A3GALT2: variants seen among roughly 807,000 people sequenced by gnomAD.
A3GALT2 encodes alpha-1,3-galactosyltransferase 2.
Under a neutral mutation model 16.6 loss-of-function variants are expected in A3GALT2, and 14 were observed. The observed-to-expected ratio is 0.84, with a 90% CI of 0.56 to 1.32. The LOEUF (loss-of-function observed/expected upper bound fraction) is 1.32, where lower values mean the gene tolerates loss of function less well. A3GALT2 is among the 40% of genes most tolerant of loss of function. A3GALT2 has a pLI of 0.00. For missense variants in A3GALT2, 600 were observed against 490.9 expected (o/e 1.22, Z -2.10); for synonymous variants, 253 against 218.0 (o/e 1.16, Z -1.42).
At chr1:33,319,674 T>C (rs1018351352) in intron 1 of A3GALT2, among the ~76,000 whole-genome samples, 2 of 152,030 alleles carry the variant, frequency 1.3e-5, no homozygotes, top group African/African-American at 4.8e-5. Flanking sequence ...GGGGCGTTCG[T>C]TCTTGCCTGG....
At chr1:33,309,403 C>T (rs1341961767) in intron 4 of A3GALT2, among the ~76,000 whole-genome samples, 1 of 150,448 alleles carries the variant, frequency 6.6e-6, no homozygotes, top group East Asian at 2.0e-4. Flanking sequence ...GGCTGCCCCC[C>T]ACCTCCCTCC....
chr1:33,308,896 C>T (rs1348838924), intron 4 of A3GALT2, among the ~76,000 whole-genome samples: 1 of 151,528 alleles, frequency 6.6e-6, no homozygotes, highest in African/African-American at 2.4e-5. Context: ...TCTGGTTTTC[C>T]TAGGCAGAGG....
intron 1 of A3GALT2, among the ~76,000 whole-genome samples, chr1:33,318,763 G>A (rs772737872): frequency 3.3e-5 from 5 of 151,892 alleles, no homozygotes; most frequent in Admixed American, 6.6e-5. Flanking sequence ...CCTCCGTTAG[G>A]TCCCTCCCCC....
Position 33,319,609 on chromosome 1 carries a change from T to C in A3GALT2, c.23+1467A>G, listed in dbSNP as rs1646276332. On this transcript the variant is annotated intron_variant, in intron 1 of 4. Coordinates refer to ENST00000442999, the MANE Select transcript of A3GALT2 (RefSeq NM_001080438.1). The stretch of plus-strand genomic sequence containing the variant: ...AACTGCCCAGAGTCCTATAGGCCAG[T>C]GGTGCACCTGCGCACGTGGCCTGCA... Among the ~76,000 whole-genome samples, 3 of 152,048 alleles carry C rather than the reference T, an allele frequency of 2.0e-5. No individual in the cohort carries two copies. In the South Asian group the frequency reaches 6.2e-4, roughly 31 times the overall value.
chr1:33,308,677 G>A (rs958773840), intron 4 of A3GALT2, among the ~76,000 whole-genome samples: 1 of 150,174 alleles, frequency 6.7e-6, no homozygotes. Flanking sequence ...AAAGTGCTGG[G>A]ATTACAGGTG....
chr1:33,313,484 GA>G (rs1412830608), intron 1 of A3GALT2: 3 of 151,992 alleles, frequency 2.0e-5, no homozygotes, highest in Non-Finnish European at 4.4e-5. Context: ...GCTGTGGTCA[GA>G]GACCAGGTGT....
intron 4 of A3GALT2, among the ~76,000 whole-genome samples, chr1:33,309,451 C>T (rs927465808): frequency 1.3e-5 from 2 of 151,850 alleles, no homozygotes; most frequent in Non-Finnish European, 1.5e-5. Context: ...CTGTCCCCCA[C>T]GTCCCTCCCG....
intron 4 of A3GALT2, among the ~76,000 whole-genome samples, chr1:33,310,589 C>T (rs1388657536): frequency 2.6e-5 from 4 of 152,150 alleles, no homozygotes; most frequent in African/African-American, 4.8e-5. Context: ...ATCTAAAGAG[C>T]GTTAGAAACT....
At position 33,307,210 on chromosome 1, in the gene A3GALT2, G is replaced by T; in HGVS notation, c.579C>A (p.His193Gln). ...GGTCCACGTCCATGCAGAACATGAA[G>T]TGCGCCTCGCGGCCCGGCAGCCCGC... The part of the protein sequence containing the change: ...ALGGLPGREA[H>Q]FMFCMDVDQH... Residue 193 changes from histidine (H) to glutamine (Q), a missense_variant, in exon 5 of 5, where the codon CAC becomes CAA. Physicochemically the swap from His to Gln is conservative, Grantham distance 24. Transcript: ENST00000442999. The T allele has an allele frequency of 6.6e-7, 1 of 1,511,336 alleles. No individual in the cohort carries two copies. Among genetic ancestry groups the T allele is most frequent in the Non-Finnish European group, 8.8e-7 (1 of 1,131,630 alleles). The allele number at this position is 1,511,336 out of a possible 1,614,324, so 93.6% of individuals were successfully genotyped here.
chr1:33,311,862 G>A (rs1646234011), intron 4 of A3GALT2, among the ~76,000 whole-genome samples, 190 bp downstream of exon 4: 1 of 152,248 alleles, frequency 6.6e-6, no homozygotes, highest in African/African-American at 2.4e-5. Context: ...TATGGTGTTG[G>A]TGTCCAGGGA....
At chr1:33,309,202 T>G (rs1476081307) in intron 4 of A3GALT2, among the ~76,000 whole-genome samples, 2 of 152,248 alleles carry the variant, frequency 1.3e-5, no homozygotes, top group African/African-American at 4.8e-5. Flanking sequence ...TGATTTCTCT[T>G]TCTTTTCCCC....
rs1005617036 is a variant in A3GALT2, at chr1:33,307,000, C to T, written c.789G>A (p.Ala263=). ...AGTGCGCCGTCAGCCCGCGCAGCGC[C>T]GCCACGCTGCCCCCGAACACCGCCG... is the stretch of plus-strand genomic sequence containing the variant. ...NHAAVFGGSV[A]ALRGLTAHCA... is the part of the protein sequence containing the mutation. Residue 263 remains alanine (A), a synonymous_variant, in exon 5 of 5, where the codon GCG becomes GCA. Transcript: ENST00000442999. 2.7e-6 allele frequency: 4 copies of T among 1,460,000 alleles called. No individual in the cohort carries two copies. Among genetic ancestry groups the T allele is most frequent in the Non-Finnish European group, 3.6e-6 (4 of 1,113,172 alleles). 90.4% of individuals were successfully genotyped at this position (1,460,000 alleles called of 1,614,324 possible).
At chr1:33,319,624 C>T (rs538704452) in intron 1 of A3GALT2, among the ~76,000 whole-genome samples, 4 of 151,936 alleles carry the variant, frequency 2.6e-5, no homozygotes, top group Non-Finnish European at 4.4e-5. Context: ...CACCTGCGCA[C>T]GTGGCCTGCA....
intron 1 of A3GALT2, among the ~76,000 whole-genome samples, chr1:33,316,149 T>G (rs1398949263): frequency 1.3e-5 from 2 of 152,032 alleles, no homozygotes; most frequent in Non-Finnish European, 2.9e-5. Context: ...TAGAAGTTCT[T>G]CAGGTGAAGA....
At chr1:33,313,186 T>G (rs1570427345) in intron 1 of A3GALT2, 1 of 253,504 alleles carries the variant, frequency 3.9e-6, no homozygotes, top group Non-Finnish European at 7.3e-6. Flanking sequence ...TTTTTTTTTT[T>G]TTTTTTTTTT....
At chr1:33,310,407 A>C (rs1052042771) in intron 4 of A3GALT2, among the ~76,000 whole-genome samples, 57 of 152,186 alleles carry the variant, frequency 3.7e-4, no homozygotes, top group Non-Finnish European at 3.7e-4. Flanking sequence ...CTATAATAAT[A>C]AGTTGTTTTA....
Position 33,320,907 on chromosome 1 carries a change from G to A in A3GALT2, c.23+169C>T, listed in dbSNP as rs1646282947. 6.6e-6 allele frequency among the ~76,000 whole-genome samples: 1 copy of A among 152,058 alleles called. No individual in the cohort carries two copies. On this transcript the variant is annotated intron_variant, in intron 1 of 4. Coordinates refer to ENST00000442999, the MANE Select transcript of A3GALT2 (RefSeq NM_001080438.1). The surrounding 1 kb of genome is among the most constrained non-coding windows in gnomAD (Gnocchi z 4.3). ...ACACGGATTGTCTTTCTTCTCCTGG[G>A]GCAATGTCCCCTCTCGGAGCCACCT...
chr1:33,313,603 T>G (rs1646247845), intron 1 of A3GALT2: 1 of 152,068 alleles, frequency 6.6e-6, no homozygotes, highest in African/African-American at 2.4e-5. Context: ...ACACTTCGTT[T>G]TCCAGGAAGG....
intron 1 of A3GALT2, chr1:33,313,176 T>TTTG: frequency 2.1e-5 from 1 of 48,200 alleles, no homozygotes; most frequent in Non-Finnish European, 3.5e-5. Context: ...AGTGACGGAG[T>TTTG]TTTTTTTTTT....
Sources: allele counts gnomAD v4.1 joint callset (sites outside exome capture counted in the v4.1 genomes callset), GRCh38; gene constraint gnomAD v4.1.1; non-coding constraint Gnocchi (gnomAD v3.1); transcripts MANE v1.5; gene names NCBI Gene and HGNC (gene_info 2026-07-23, HGNC 2026-07-21).